Variants in ATP13A4 observed in about 807,000 individuals in gnomAD.
The protein encoded by ATP13A4 is ATPase 13A4.
In ATP13A4, 114 loss-of-function variants were observed where a neutral mutation model predicts 142.5. The observed-to-expected ratio is 0.80, with a 90% CI of 0.69 to 0.93. The LOEUF (loss-of-function observed/expected upper bound fraction) is 0.93. Ranked by LOEUF, ATP13A4 falls within the 40% of genes least tolerant of loss-of-function variation. ATP13A4 has a pLI of 0.00. For synonymous variants in ATP13A4, 488 were observed against 514.8 expected (o/e 0.95, Z 0.70); for missense variants, 1,392 against 1,454.0 (o/e 0.96, Z 0.69).
At chr3:193,486,218 A>C (rs1719607524) in intron 7 of ATP13A4, among the ~76,000 whole-genome samples, 1 of 152,202 alleles carries the variant, frequency 6.6e-6, no homozygotes, top group African/African-American at 2.4e-5. Flanking sequence ...GAAACTAAAA[A>C]GTTTGTGAAC....
chr3:193,458,943 G>T, intron 14 of ATP13A4, 138 bp downstream of exon 14: 1 of 1,143,356 alleles, frequency 8.7e-7, no homozygotes, highest in Non-Finnish European at 1.3e-6. Flanking sequence ...ACCAGCCTTA[G>T]ATTGGTTTGC....
At chr3:193,456,061 C>T (rs549810666) in intron 16 of ATP13A4, among the ~76,000 whole-genome samples, 15 of 152,138 alleles carry the variant, frequency 9.9e-5, no homozygotes, top group East Asian at 3.9e-4. Flanking sequence ...GGAAAAATAA[C>T]GAATGGGTAC....
chr3:193,588,169 G>A (rs1236090941), intron 1 of ATP13A4, among the ~76,000 whole-genome samples: 1 of 151,984 alleles, frequency 6.6e-6, no homozygotes, highest in African/African-American at 2.4e-5. Context: ...AAAATAATGT[G>A]GATTTAATCA....
intron 20 of ATP13A4, 138 bp downstream of exon 20, chr3:193,441,328 T>C: frequency 9.1e-7 from 1 of 1,101,840 alleles, no homozygotes; most frequent in Admixed American, 1.9e-5. Flanking sequence ...TCTGCAAAAA[T>C]ATCTGTCTCT....
At chr3:193,510,214 AC>A (rs1015442887) in intron 2 of ATP13A4, among the ~76,000 whole-genome samples, 1 of 152,190 alleles carries the variant, frequency 6.6e-6, no homozygotes, top group African/African-American at 2.4e-5. Context: ...ACACTGGCAG[AC>A]TTTAAGATGA....
Position 193,433,841 on chromosome 3 carries a change from T to C in ATP13A4, c.2842+4A>G. 2 of 1,611,634 alleles carry C rather than the reference T, an allele frequency of 1.2e-6. No individual in the cohort carries two copies. Among genetic ancestry groups the C allele is most frequent in the Middle Eastern group, 3.3e-4 (2 of 6,060 alleles). ...TCTGGTAAGAAAGTTTTAAAATGTC[T>C]TACTTGTTACACCAATAAGAGTTGT... On this transcript the variant is annotated splice_donor_region_variant and intron_variant, in intron 25 of 29. Transcript: ENST00000342695.
At chr3:193,552,137 C>G (rs1340849722) in intron 1 of ATP13A4, among the ~76,000 whole-genome samples, 2 of 152,124 alleles carry the variant, frequency 1.3e-5, no homozygotes, top group African/African-American at 2.4e-5. Flanking sequence ...CCCTGCCTAG[C>G]TAATTTTTGT....
rs1163687308 is a variant in ATP13A4 at position 193,466,152 on chromosome 3, C to T, written c.1145G>A (p.Arg382Lys). 1 of 1,614,056 alleles carries T rather than the reference C, an allele frequency of 6.2e-7. No homozygotes were observed. Among genetic ancestry groups the T allele is most frequent in the Admixed American group, 1.7e-5 (1 of 60,018 alleles). Reference protein sequence around the residue: ...GFNTAKGDLVRSILYPKPVNF... With the variant: ...GFNTAKGDLVKSILYPKPVNF... ...CACTGGCTTAGGGTAGAGAATGGAT[C>T]TCACAAGGTCTCCCTTTGCAGTGTT... is the stretch of plus-strand genomic sequence containing the variant. Residue 382 changes from arginine to lysine, a missense_variant, in exon 11 of 30, where the codon AGA (arginine) becomes AAA (lysine). By Grantham distance (26) the Arg-to-Lys change is conservative. Transcript: ENST00000342695.
At chr3:193,431,264 A>G (rs909221178) in intron 25 of ATP13A4, among the ~76,000 whole-genome samples, 1 of 151,964 alleles carries the variant, frequency 6.6e-6, no homozygotes, top group African/African-American at 2.4e-5. Context: ...TAAGTACATA[A>G]TGATTATATT....
rs1213255402 is a variant in ATP13A4 at position 193,402,127 on chromosome 3, A to G, written c.*525T>C. The G allele has an allele frequency of 1.3e-4, 21 of 157,028 alleles. No homozygotes were observed. Among genetic ancestry groups the G allele is most frequent in the Admixed American group, 1.1e-3 (18 of 16,300 alleles). 9.7% of individuals were successfully genotyped at this position (157,028 alleles called of 1,614,324 possible). A position where few individuals can be genotyped will look rare whatever the true frequency, so the allele number is the denominator to read the frequency against. ...GCATAGGCTAAGCTTATCCTTAACA[A>G]TATGTTGGGTAAGGCCAGAAACAGA... On this transcript the variant is annotated 3_prime_UTR_variant, in exon 30 of 30. Coordinates refer to ENST00000342695, the MANE Select transcript of ATP13A4 (RefSeq NM_032279.4).
In ATP13A4 at chr3:193,535,978, T is replaced by A. The variant is rs183241099; in HGVS notation, c.60+18762A>T. Among the ~76,000 whole-genome samples the A allele has an allele frequency of 4.1e-3, 617 of 152,100 alleles. 6 individuals carry two copies. The highest frequency in any genetic ancestry group is 5.8e-3 in the Non-Finnish European group (394 of 67,946). On this transcript the variant is annotated intron_variant, in intron 1 of 29. Coordinates refer to ENST00000342695, the MANE Select transcript of ATP13A4 (RefSeq NM_032279.4). The stretch of plus-strand genomic sequence containing the variant: ...TTAATCCTATTACTATTAAGAAAAT[T>A]GAATTTGTACTTCCTAAATTTTCAA...
At chr3:193,558,703 G>T (rs1015009376), upstream of ATP13A4, among the ~76,000 whole-genome samples, 2 of 152,284 alleles carry the variant, frequency 1.3e-5, no homozygotes, top group African/African-American at 4.8e-5. Flanking sequence ...AGGAGACAGA[G>T]AGCAAAAGCA....
At chr3:193,404,755 T>C (rs1390008953) in intron 29 of ATP13A4, among the ~76,000 whole-genome samples, 4 of 152,202 alleles carry the variant, frequency 2.6e-5, no homozygotes, top group Non-Finnish European at 5.9e-5. Flanking sequence ...ATTAAACCTC[T>C]TTCCTTCATA....
intron 2 of ATP13A4, among the ~76,000 whole-genome samples, chr3:193,572,954 A>G (rs980138521): frequency 7.4e-6 from 1 of 135,872 alleles, no homozygotes; most frequent in African/African-American, 2.9e-5. Flanking sequence ...ATGGTGAAAC[A>G]CCTTCTTTAC....
rs1020750939 is a variant in ATP13A4, at chr3:193,489,970, A to G, written c.604-106T>C. 6 of 1,238,320 alleles carry G rather than the reference A, an allele frequency of 4.8e-6. No individual in the cohort carries two copies. The African/African-American group carries it at 6.1e-5, about 12-fold the overall frequency. 76.7% of individuals were successfully genotyped at this position (1,238,320 alleles called of 1,614,324 possible). ...ATCTTCATGACATACATCATCCCAC[A>G]CAATATTCTTATTATATTTATTCGG... On this transcript the variant is annotated intron_variant, in intron 6 of 29. Coordinates refer to ENST00000342695, the MANE Select transcript of ATP13A4 (RefSeq NM_032279.4).
At chr3:193,524,882 C>A (rs1436232639) in intron 1 of ATP13A4, among the ~76,000 whole-genome samples, 1 of 152,160 alleles carries the variant, frequency 6.6e-6, no homozygotes, top group Non-Finnish European at 1.5e-5. Context: ...TAAGTCAGAT[C>A]TCACCTCCCT....
chr3:193,573,260 C>CATATATATATATAT (rs373692119), intron 2 of ATP13A4, among the ~76,000 whole-genome samples: 1 of 79,010 alleles, frequency 1.3e-5, no homozygotes, highest in African/African-American at 6.0e-5. Flanking sequence ...ATACCACAGC[C>CATATATATATATAT]ATATATATAT....
At chr3:193,543,335 G>A (rs543416836) in intron 1 of ATP13A4, among the ~76,000 whole-genome samples, 25 of 152,200 alleles carry the variant, frequency 1.6e-4, no homozygotes, top group South Asian at 6.2e-4. Flanking sequence ...AACCATCATC[G>A]GAGTGAACAG....
chr3:193,439,148 T>C, intron 21 of ATP13A4, 83 bp from the exon 22 acceptor site: 1 of 1,365,752 alleles, frequency 7.3e-7, no homozygotes, highest in Non-Finnish European at 1.0e-6. Context: ...GTAACCATCA[T>C]TACTTAGGGT....
Sources: gnomAD v4.1 joint callset for allele counts (sites outside exome capture counted in the v4.1 genomes callset) on GRCh38, gnomAD v4.1.1 for gene constraint, MANE v1.5 for transcripts, NCBI Gene and HGNC (gene_info 2026-07-23, HGNC 2026-07-21) for gene names.